Variants in EXD1 observed in about 807,000 individuals in gnomAD.
The protein encoded by EXD1 is piRNA biogenesis protein EXD1.
EXD1 carries 63 observed loss-of-function variants against 49.1 expected under a neutral mutation model. The ratio of observed to expected loss-of-function variants is 1.28; its 90% CI spans 1.05 to 1.58. The LOEUF (loss-of-function observed/expected upper bound fraction) is 1.58. Among genes scored for constraint, EXD1 ranks in the 40% most tolerant of loss-of-function variants. The pLI is 0.00. For synonymous variants in EXD1, 234 were observed against 239.2 expected, an observed-to-expected ratio of 0.98 and a Z score of 0.20; for missense variants, 748 against 666.0, an observed-to-expected ratio of 1.12 and a Z score of -1.36.
At chr15:41,207,296 C>G (rs2140873635) in intron 7 of EXD1, among the ~76,000 whole-genome samples, 1 of 151,980 alleles carries the variant, frequency 6.6e-6, no homozygotes, top group South Asian at 2.1e-4. Context: ...AATCCCAGCA[C>G]TATGGGAGGC....
intron 7 of EXD1, among the ~76,000 whole-genome samples, chr15:41,197,529 A>G (rs1357090618): frequency 6.6e-6 from 1 of 151,956 alleles, no homozygotes; most frequent in East Asian, 1.9e-4. Context: ...ACGCCCGGCC[A>G]ATGATAGGTA....
At chr15:41,210,719 T>C (rs916719010) in intron 6 of EXD1, among the ~76,000 whole-genome samples, 3 of 152,148 alleles carry the variant, frequency 2.0e-5, no homozygotes, top group Non-Finnish European at 4.4e-5. Flanking sequence ...ACTCTTGTCC[T>C]TTGATTATCT....
At chr15:41,192,599 T>A (rs1309379074) in intron 9 of EXD1, among the ~76,000 whole-genome samples, 6,555 of 68,986 alleles carry the variant, frequency 0.095, 1,873 homozygotes, top group East Asian at 0.19. Context: ...CAGGCATTTT[T>A]TTTTTTTTTT....
intron 5 of EXD1, 129 bp from the exon 6 acceptor site, chr15:41,215,962 C>T: frequency 1.3e-6 from 1 of 787,636 alleles, no homozygotes. Flanking sequence ...TGCAAAACCA[C>T]CCTCCCTACG....
In EXD1 at chr15:41,188,164, A is replaced by G. The variant is rs766716027; in HGVS notation, c.1056+1773T>C. On this transcript the variant is annotated intron_variant, in intron 11 of 11. Coordinates refer to ENST00000458580, the MANE Select transcript of EXD1 (RefSeq NM_001286441.2). ...GGCTTTGTGAGCCATAGTCTCATAT[A>G]CTACTTCTACTACTTTTTTTTTTAA... 9.2e-4 allele frequency among the ~76,000 whole-genome samples: 140 copies of G among 152,182 alleles called. 1 individual carries two copies. The highest frequency in any genetic ancestry group is 4.6e-4 in the Non-Finnish European group (31 of 68,012).
intron 7 of EXD1, among the ~76,000 whole-genome samples, chr15:41,205,068 T>C (rs185338788): frequency 1.3e-5 from 2 of 152,342 alleles, no homozygotes; most frequent in Admixed American, 6.5e-5. Flanking sequence ...AACATAAAAA[T>C]GGACAATTAC....
chr15:41,222,889 T>C (rs1197060074), intron 2 of EXD1, among the ~76,000 whole-genome samples: 3 of 144,862 alleles, frequency 2.1e-5, no homozygotes, highest in African/African-American at 2.6e-5. Flanking sequence ...TGAATCAAGA[T>C]TGAGCCACTG....
At chr15:41,190,525 CTTAAT>C (rs969831056) in intron 10 of EXD1, among the ~76,000 whole-genome samples, 3 of 152,078 alleles carry the variant, frequency 2.0e-5, no homozygotes, top group African/African-American at 7.2e-5. Context: ...TAAAGTATTG[CTTAAT>C]TTAAGACACT....
At chr15:41,219,799 CT>C in intron 3 of EXD1, 30 bp downstream of exon 3, 1 of 1,493,528 alleles carries the variant, frequency 6.7e-7, no homozygotes, top group Non-Finnish European at 9.0e-7. Context: ...AATCTCAGTA[CT>C]AGCATTTTCA....
chr15:41,208,022 A>G (rs1323497567), intron 7 of EXD1, among the ~76,000 whole-genome samples: 2 of 151,834 alleles, frequency 1.3e-5, no homozygotes, highest in South Asian at 2.1e-4. Context: ...AAAAAAAAAA[A>G]AAAGAAAGAG....
rs916894656 is a variant in EXD1 at position 41,185,691 on chromosome 15, T to G, written c.1057-1098A>C. Among the ~76,000 whole-genome samples the G allele has an allele frequency of 2.0e-5, 3 of 152,168 alleles. No homozygotes were observed. The East Asian group carries it at 5.8e-4, about 29-fold the overall frequency. On this transcript the variant is annotated intron_variant, in intron 11 of 11. Transcript: ENST00000458580. ...GTGTGCCACCACGCCTGGCTAATATTTAATTTTTTTGTAGAGACAGGGTTT... is the reference window on the plus strand; with the variant it reads ...GTGTGCCACCACGCCTGGCTAATATGTAATTTTTTTGTAGAGACAGGGTTT...
At chr15:41,209,734 C>T (rs1446287663) in intron 6 of EXD1, 147 bp from the exon 7 acceptor site, 11 of 665,444 alleles carry the variant, frequency 1.7e-5, no homozygotes, top group African/African-American at 5.5e-5. Flanking sequence ...CCAAAACAGT[C>T]TGTTTTACAC....
chr15:41,195,835 C>T lies in EXD1; in HGVS notation c.660G>A (p.Trp220Ter). 1 of 1,613,492 alleles carries T rather than the reference C, an allele frequency of 6.2e-7. No individual in the cohort carries two copies. Among genetic ancestry groups the T allele is most frequent in the South Asian group, 1.1e-5 (1 of 90,966 alleles). Residue 220 changes from tryptophan to a stop codon, truncating the protein, a stop_gained, in exon 9 of 12, where the codon TGG (tryptophan) becomes TGA (stop). Transcript: ENST00000458580. LOFTEE classifies it high-confidence loss of function. ...RILKVIHDCR[W>*]LSDCLSHQYG... ...ACTGATGAGAGAGGCAATCAGAAAG[C>T]CAACGACAATCATGGATAACCTAAG...
chr15:41,222,283 G>C (rs575814025), intron 2 of EXD1, among the ~76,000 whole-genome samples: 1 of 152,240 alleles, frequency 6.6e-6, no homozygotes, highest in Admixed American at 6.5e-5. Flanking sequence ...GGGTGCGGTG[G>C]CATGCACCTG....
At chr15:41,206,963 C>T (rs1330263655) in intron 7 of EXD1, among the ~76,000 whole-genome samples, 3 of 121,774 alleles carry the variant, frequency 2.5e-5, no homozygotes, top group Admixed American at 9.7e-5. Context: ...TTAAGTAGTG[C>T]CTCTGCGCCA....
rs1164298293 is a variant in EXD1 at position 41,190,072 on chromosome 15, C to T, written c.921G>A (p.Leu307=). The change falls in exon 11 of 12, where the codon TTG becomes TTA. Residue 307 remains leucine, a synonymous_variant. Coordinates refer to ENST00000458580, the MANE Select transcript of EXD1 (RefSeq NM_001286441.2). Reference sequence around the variant, plus strand: ...GTAACAGGTAGGTAGCTTCCAGGGCCAAAATTTTCAGTAAAGAGGGTGAAA... The same window carrying T: ...GTAACAGGTAGGTAGCTTCCAGGGCTAAAATTTTCAGTAAAGAGGGTGAAA... ...RPVSPSLLKI[L]ALEATYLLPL... The T allele has an allele frequency of 1.2e-6, 2 of 1,614,026 alleles. No individual in the cohort carries two copies. The highest frequency in any genetic ancestry group is 1.1e-5 in the South Asian group (1 of 91,074).
intron 3 of EXD1, among the ~76,000 whole-genome samples, chr15:41,217,597 C>T (rs562990165): frequency 6.7e-6 from 1 of 149,870 alleles, no homozygotes; most frequent in African/African-American, 2.5e-5. Flanking sequence ...GAGGTGCGAC[C>T]TCAGCTCACT....
At position 41,209,521 on chromosome 15, in the gene EXD1, C is replaced by T; in HGVS notation, c.514G>A (p.Gly172Ser). The T allele has an allele frequency of 1.9e-6, 3 of 1,614,156 alleles. No individual in the cohort carries two copies. Among genetic ancestry groups the T allele is most frequent in the African/African-American group, 1.3e-5 (1 of 75,054 alleles). ...TTCACCTGCAGCCAGCACAGTTTGC[C>T]ATGGCGACATACATTCGCTCCTTCT... is the stretch of plus-strand genomic sequence containing the variant. Reference protein sequence around the residue: ...AAEGANVCRHGKLCWLQVATN... With the variant: ...AAEGANVCRHSKLCWLQVATN... Residue 172 changes from glycine (G) to serine (S), a missense_variant, in exon 7 of 12, where the codon GGC becomes AGC. Coordinates refer to ENST00000458580, the MANE Select transcript of EXD1 (RefSeq NM_001286441.2).
At position 41,184,181 on chromosome 15, in the gene EXD1, G is replaced by A. The variant is rs1393037020; in HGVS notation, c.1469C>T (p.Thr490Ile). The A allele has an allele frequency of 1.2e-6, 2 of 1,614,060 alleles. No individual in the cohort carries two copies. The highest frequency in any genetic ancestry group is 1.7e-5 in the Admixed American group (1 of 60,002). ...QRITQKEHFMTPKHEFQASLS... is the reference protein window; with the variant it reads ...QRITQKEHFMIPKHEFQASLS... ...ACTTGCCTGAAACTCATGTTTGGGT[G>A]TCATAAAGTGTTCTTTCTGAGTTAT... The change falls in exon 12 of 12, where the codon ACA becomes ATA. Residue 490 changes from threonine (T) to isoleucine (I), a missense_variant. Thr to Ile is a moderately conservative substitution (Grantham distance 89). Transcript: ENST00000458580.
Sources: allele counts gnomAD v4.1 joint callset (sites outside exome capture counted in the v4.1 genomes callset), GRCh38; gene constraint gnomAD v4.1.1; transcripts MANE v1.5; gene names NCBI Gene and HGNC (gene_info 2026-07-23, HGNC 2026-07-21).